Variants in ATAD2B observed in about 807,000 individuals in gnomAD.
The protein encoded by ATAD2B is ATPase family AAA domain containing 2B, also known as ATPase family AAA domain-containing protein 2B.
Under a neutral mutation model 167.6 loss-of-function variants are expected in ATAD2B, and 40 were observed. The ratio of observed to expected loss-of-function variants is 0.24; its 90% confidence interval spans 0.19 to 0.31. ATAD2B has a LOEUF of 0.31. Ranked by LOEUF, ATAD2B falls within the 10% of genes least tolerant of loss-of-function variation. The pLI is 1.00. For synonymous variants in ATAD2B, 579 were observed against 596.5 expected, an observed-to-expected ratio of 0.97 and a Z score of 0.43; for missense variants, 1,242 against 1,757.2, an observed-to-expected ratio of 0.71 and a Z score of 5.24.
At chr2:23,898,115 TTTG>T (rs1700361349) in intron 1 of ATAD2B, among the ~76,000 whole-genome samples, 1 of 152,218 alleles carries the variant, frequency 6.6e-6, no homozygotes, top group East Asian at 1.9e-4. Flanking sequence ...CAGCTAATTT[TTTG>T]TTGTTGTTAA....
chr2:23,843,277 C>T (rs143438211), intron 13 of ATAD2B, among the ~76,000 whole-genome samples: 1 of 152,162 alleles, frequency 6.6e-6, no homozygotes, highest in Non-Finnish European at 1.5e-5. Context: ...TGAAGACTGA[C>T]TAAAGACAGA....
chr2:23,702,115 G>A, the ATAD2B span, among the ~76,000 whole-genome samples: 65 of 152,090 alleles, frequency 4.3e-4, no homozygotes, highest in Middle Eastern at 3.4e-3. Context: ...GAGCCATCGC[G>A]CCCAGCCCAC....
chr2:23,738,394 T>C, the ATAD2B span, among the ~76,000 whole-genome samples: 4 of 152,168 alleles, frequency 2.6e-5, no homozygotes, highest in Non-Finnish European at 4.4e-5. Context: ...GGACCAATAT[T>C]CAACATTCTT....
chr2:23,823,652 A>C, intron 15 of ATAD2B, 83 bp from the exon 16 acceptor site: 3 of 1,233,764 alleles, frequency 2.4e-6, no homozygotes, highest in Non-Finnish European at 3.4e-6. Context: ...ACACATCTTT[A>C]GCTAAAGTCA....
intron 23 of ATAD2B, among the ~76,000 whole-genome samples, chr2:23,764,822 T>C (rs1677196731): frequency 6.6e-6 from 1 of 152,232 alleles, no homozygotes; most frequent in South Asian, 2.1e-4. Flanking sequence ...ACATATGCTA[T>C]TGTTTTCTCT....
rs1287089212 is a variant in ATAD2B, at chr2:23,885,817, A to G, written c.585T>C (p.Ala195=). ...FDQLVNSTAE[A]VLQEMDNINI... ...TAATGTTGTCCATTTCCTGTAGTAC[A>G]GCTTCAGCAGTGCTACAATCACATA... The change falls in exon 5 of 28, where the codon GCT becomes GCC. Residue 195 remains alanine (A), a synonymous_variant. Transcript: ENST00000238789. 10 of 1,575,492 alleles carry G rather than the reference A, an allele frequency of 6.3e-6. No individual in the cohort carries two copies. The highest frequency in any genetic ancestry group is 8.7e-6 in the Non-Finnish European group (10 of 1,155,574).
the ATAD2B span, among the ~76,000 whole-genome samples, chr2:23,710,850 G>T: frequency 6.6e-6 from 1 of 152,160 alleles, no homozygotes; most frequent in Non-Finnish European, 1.5e-5. Context: ...TTTAATATCA[G>T]GGACTTGAGC....
At chr2:23,883,522 A>G in intron 6 of ATAD2B, 2 of 861,490 alleles carry the variant, frequency 2.3e-6, no homozygotes, top group Non-Finnish European at 3.2e-6. Context: ...AATATGGCAT[A>G]TCTACTTTGG....
In ATAD2B at chr2:23,880,624, T is replaced by C. The variant is rs1479606653; in HGVS notation, c.901+15A>G. On this transcript the variant is annotated intron_variant, in intron 7 of 27. Transcript: ENST00000238789. ...TCAACTACCAGAAAGAAAAAAGTTA[T>C]TTAGAGTTGCCTACCTATTGGAGGT... is the stretch of plus-strand genomic sequence containing the variant. The C allele has an allele frequency of 4.1e-6, 6 of 1,463,462 alleles. No individual in the cohort carries two copies. The highest frequency in any genetic ancestry group is 2.4e-5 in the South Asian group (2 of 82,016). The allele number at this position is 1,463,462 out of a possible 1,614,324, so 90.7% of individuals were successfully genotyped here.
intron 13 of ATAD2B, among the ~76,000 whole-genome samples, chr2:23,856,718 G>C (rs1236660177): frequency 6.6e-6 from 1 of 151,910 alleles, no homozygotes; most frequent in African/African-American, 2.4e-5. Flanking sequence ...AAATTAGCCA[G>C]GCATGGCAGC....
the ATAD2B span, chr2:23,691,414 GC>G: frequency 3.7e-6 from 2 of 542,482 alleles, no homozygotes; most frequent in Admixed American, 6.3e-5. Flanking sequence ...CATAGCTCAT[GC>G]TTTTTGATTT....
chr2:23,895,931 A>C lies in ATAD2B; in HGVS notation c.256T>G (p.Ser86Ala). 6.2e-7 allele frequency: 1 copy of C among 1,613,318 alleles called. No homozygotes were observed. Among genetic ancestry groups the C allele is most frequent in the South Asian group, 1.1e-5 (1 of 91,030 alleles). The part of the protein sequence containing the change: ...VDGSLSDSHV[S>A]PPAKRTLKQP... ...TTCAAAGTGCGTTTGGCTGGAGGAG[A>C]TACGTGGCTATCACTTAAACTACCA... The change falls in exon 2 of 28, where the codon TCT (serine) becomes GCT (alanine). Residue 86 changes from serine to alanine, a missense_variant. Transcript: ENST00000238789.
intron 24 of ATAD2B, among the ~76,000 whole-genome samples, chr2:23,760,926 T>A (rs1192617734): frequency 6.6e-6 from 1 of 152,124 alleles, no homozygotes; most frequent in Non-Finnish European, 1.5e-5. Context: ...TTTAAGTTAA[T>A]GTAAAACAGA....
intron 17 of ATAD2B, among the ~76,000 whole-genome samples, chr2:23,814,759 A>G (rs1686167422): frequency 6.6e-6 from 1 of 152,152 alleles, no homozygotes; most frequent in Non-Finnish European, 1.5e-5. Context: ...AGCCACGTTA[A>G]AAGTTTGGAA....
intron 13 of ATAD2B, among the ~76,000 whole-genome samples, chr2:23,850,507 T>G (rs1268247947): frequency 2.6e-5 from 4 of 152,150 alleles, no homozygotes; most frequent in Admixed American, 2.6e-4. Context: ...CAGAAAAGAC[T>G]TGGGAGACCT....
At chr2:23,883,476 C>G (rs915844914) in intron 6 of ATAD2B, 1 of 337,768 alleles carries the variant, frequency 3.0e-6, no homozygotes, top group Non-Finnish European at 5.2e-6. Context: ...TGAAAAATGT[C>G]TGTACAGTAA....
At chr2:23,685,870 C>G in the ATAD2B span, among the ~76,000 whole-genome samples, 1 of 152,286 alleles carries the variant, frequency 6.6e-6, no homozygotes, top group East Asian at 1.9e-4. Flanking sequence ...CATGGATGAG[C>G]GTCCTAGGGT....
Position 23,786,043 on chromosome 2 carries a change from G to A in ATAD2B, c.2957C>T (p.Pro986Leu), listed in dbSNP as rs1309800272. The A allele has an allele frequency of 1.9e-6, 3 of 1,611,350 alleles. No individual in the cohort carries two copies. Among genetic ancestry groups the A allele is most frequent in the Non-Finnish European group, 2.5e-6 (3 of 1,178,674 alleles). Residue 986 changes from proline (P) to leucine (L), a missense_variant, in exon 21 of 28, where the codon CCG (proline) becomes CTG (leucine). Coordinates refer to ENST00000238789, the MANE Select transcript of ATAD2B (RefSeq NM_017552.4). ...TDKRFNIFSK[P>L]VDIEEVSDYL... ...AAACAAGACCTCTTCAATATCCACC[G>A]GTTTGCTGAAGATGTTAAAGCGTTT...
At chr2:23,686,092 TGAG>T in the ATAD2B span, among the ~76,000 whole-genome samples, 1 of 150,898 alleles carries the variant, frequency 6.6e-6, no homozygotes, top group Non-Finnish European at 1.5e-5. Flanking sequence ...CTTCTTGGGC[TGAG>T]AAGAGGGAGG....
Sources: allele counts gnomAD v4.1 joint callset (sites outside exome capture counted in the v4.1 genomes callset), GRCh38; gene constraint gnomAD v4.1.1; transcripts MANE v1.5; gene names NCBI Gene and HGNC (gene_info 2026-07-23, HGNC 2026-07-21).